STK4: variants seen among roughly 807,000 people sequenced by gnomAD.
STK4 encodes the protein serine/threonine-protein kinase 4.
A neutral mutation model predicts 64.9 loss-of-function variants in STK4; 30 were observed. That is an observed-to-expected ratio of 0.46 (90% CI 0.35 to 0.63). The LOEUF is 0.63. STK4 is among the 20% of genes least tolerant of loss of function. The probability of loss-of-function intolerance (pLI) is 0.01; values close to 1 mark genes in which losing one functional copy is unlikely to be tolerated. For synonymous variants in STK4, 177 were observed against 199.0 expected (o/e 0.89, Z 0.93); for missense variants, 466 against 598.5 (o/e 0.78, Z 2.31).
At chr20:45,057,339 T>A (rs908316653) in intron 10 of STK4, among the ~76,000 whole-genome samples, 2 of 152,328 alleles carry the variant, frequency 1.3e-5, no homozygotes, top group East Asian at 3.9e-4. Context: ...CACTTGGATC[T>A]TAGAGGTAAC....
At position 45,075,365 on chromosome 20, in the gene STK4, C is replaced by A; in HGVS notation, c.*189C>A. The A allele has an allele frequency of 1.5e-6, 1 of 662,812 alleles. No individual in the cohort carries two copies. Among genetic ancestry groups the A allele is most frequent in the Non-Finnish European group, 2.5e-6 (1 of 401,000 alleles). The allele number at this position is 662,812 out of a possible 1,614,324, so 41.1% of individuals were successfully genotyped here. ...CGTGCCATCTTGATGTGTGTATGTACATTGGTCAGGTATATTATCTCAAAG... is the reference window on the plus strand; with the variant it reads ...CGTGCCATCTTGATGTGTGTATGTAAATTGGTCAGGTATATTATCTCAAAG... On this transcript the variant is annotated 3_prime_UTR_variant, in exon 11 of 11. Transcript: ENST00000372806.
chr20:45,056,100 G>T (rs1403887599), intron 10 of STK4, among the ~76,000 whole-genome samples: 2 of 152,056 alleles, frequency 1.3e-5, no homozygotes, highest in Non-Finnish European at 2.9e-5. Flanking sequence ...TCAACTACCT[G>T]CCACAATTTT....
intron 10 of STK4, among the ~76,000 whole-genome samples, chr20:45,042,509 C>T (rs1327913801): frequency 6.6e-6 from 1 of 152,184 alleles, no homozygotes; most frequent in Admixed American, 6.5e-5. Flanking sequence ...ATTTCCCTCT[C>T]CCAACAGGAC....
chr20:45,008,721 A>T (rs1601256236), intron 9 of STK4, among the ~76,000 whole-genome samples: 1 of 152,016 alleles, frequency 6.6e-6, no homozygotes, highest in Non-Finnish European at 1.5e-5. Flanking sequence ...TTTTTTTAGT[A>T]ATAGCCATTC....
intron 10 of STK4, among the ~76,000 whole-genome samples, chr20:45,031,563 A>G (rs1471156873): frequency 3.3e-5 from 5 of 152,270 alleles, no homozygotes; most frequent in African/African-American, 1.2e-4. Flanking sequence ...GGAAAAAGAT[A>G]CACTAGGCAA....
chr20:45,017,793 T>C (rs2068170183), intron 9 of STK4, among the ~76,000 whole-genome samples: 1 of 152,232 alleles, frequency 6.6e-6, no homozygotes, highest in South Asian at 2.1e-4. Flanking sequence ...CTTTGAATTT[T>C]GGATTTAGCT....
At chr20:45,069,439 C>T (rs550964672) in intron 10 of STK4, among the ~76,000 whole-genome samples, 1 of 152,304 alleles carries the variant, frequency 6.6e-6, no homozygotes, top group African/African-American at 2.4e-5. Context: ...TTTCTTATAA[C>T]AGAAGTTCTT....
intron 9 of STK4, among the ~76,000 whole-genome samples, chr20:45,003,809 C>T (rs905980955): frequency 4.7e-5 from 7 of 149,960 alleles, no homozygotes; most frequent in Non-Finnish European, 7.4e-5. Flanking sequence ...CTCCACCTCC[C>T]GGGTTCAAGT....
At chr20:44,988,312 C>T (rs942247066) in intron 5 of STK4, among the ~76,000 whole-genome samples, 8 of 151,260 alleles carry the variant, frequency 5.3e-5, no homozygotes, top group Admixed American at 2.0e-4. Flanking sequence ...GTTAGGAGTT[C>T]GAGACCAGCC....
intron 10 of STK4, among the ~76,000 whole-genome samples, chr20:45,062,445 C>A (rs555671396): frequency 6.0e-4 from 91 of 151,950 alleles, no homozygotes; most frequent in African/African-American, 2.1e-3. Context: ...ATATACCCAG[C>A]AATGGGATTG....
intron 10 of STK4, among the ~76,000 whole-genome samples, chr20:45,043,396 G>A (rs542022150): frequency 3.9e-5 from 6 of 152,190 alleles, no homozygotes; most frequent in Non-Finnish European, 8.8e-5. Flanking sequence ...AGTAGATTTG[G>A]TAGTTAAGAT....
In STK4 at chr20:45,010,545, C is replaced by T. The variant is rs756378064; in HGVS notation, c.1147+9192C>T. Among the ~76,000 whole-genome samples the T allele has an allele frequency of 4.6e-5, 7 of 152,148 alleles. No individual in the cohort carries two copies. The East Asian group carries it at 1.3e-3, about 29-fold the overall frequency. On this transcript the variant is annotated intron_variant, in intron 9 of 10. Coordinates refer to ENST00000372806, the MANE Select transcript of STK4 (RefSeq NM_006282.5). Reference sequence around the variant, plus strand: ...GCTGTGTGGTAAATTGAACCATTCCCTGTTTAATAGCAGTTGAAACCCAGT... The same window carrying T: ...GCTGTGTGGTAAATTGAACCATTCCTTGTTTAATAGCAGTTGAAACCCAGT...
chr20:44,992,052 GA>G (rs1177328000), intron 5 of STK4, among the ~76,000 whole-genome samples: 2 of 151,932 alleles, frequency 1.3e-5, no homozygotes, highest in Non-Finnish European at 1.5e-5. Flanking sequence ...TGTATATGCT[GA>G]AATATCTTCT....
intron 5 of STK4, among the ~76,000 whole-genome samples, chr20:44,990,670 C>T (rs1266181094): frequency 6.6e-6 from 1 of 152,060 alleles, no homozygotes; most frequent in Non-Finnish European, 1.5e-5. Context: ...TCCTGATTCA[C>T]AACACCACCC....
At chr20:45,063,468 T>A (rs997063796) in intron 10 of STK4, among the ~76,000 whole-genome samples, 1 of 152,212 alleles carries the variant, frequency 6.6e-6, no homozygotes, top group African/African-American at 2.4e-5. Context: ...TCGTTTAAGT[T>A]CCTTGTGGAT....
Position 45,001,217 on chromosome 20 carries a change from G to T in STK4, c.1011G>T (p.Glu337Asp). ...SGTMVRAVGDEMGTVRVASTM... is the reference protein window; with the variant it reads ...SGTMVRAVGDDMGTVRVASTM... The stretch of plus-strand genomic sequence containing the variant: ...CGATGGTTCGAGCAGTGGGTGATGA[G>T]ATGGGCACTGTCCGAGTAGCCAGCA... Residue 337 changes from glutamate (E) to aspartate (D), a missense_variant, in exon 9 of 11, where the codon GAG becomes GAT. Physicochemically the swap from Glu to Asp is conservative, Grantham distance 45. Transcript: ENST00000372806. 1.2e-6 allele frequency: 2 copies of T among 1,614,156 alleles called. No individual in the cohort carries two copies. Among genetic ancestry groups the T allele is most frequent in the African/African-American group, 2.7e-5 (2 of 75,032 alleles).
intron 5 of STK4, among the ~76,000 whole-genome samples, chr20:44,987,978 A>G (rs1432030861): frequency 6.7e-6 from 1 of 149,976 alleles, no homozygotes. Flanking sequence ...TTTTTTTTTT[A>G]TTATTTTTTT....
chr20:45,047,705 C>T (rs2068718219), intron 10 of STK4, among the ~76,000 whole-genome samples: 1 of 152,158 alleles, frequency 6.6e-6, no homozygotes, highest in Admixed American at 6.5e-5. Context: ...TGGGAATTCC[C>T]TTGATCGAAT....
chr20:44,993,321 C>G (rs553406869), intron 5 of STK4, among the ~76,000 whole-genome samples: 26 of 151,984 alleles, frequency 1.7e-4, no homozygotes, highest in Non-Finnish European at 3.5e-4. Context: ...TATTGCTATG[C>G]TATTGTACTA....
Sources: allele counts gnomAD v4.1 joint callset (sites outside exome capture counted in the v4.1 genomes callset), GRCh38; gene constraint gnomAD v4.1.1; transcripts MANE v1.5; gene names NCBI Gene and HGNC (gene_info 2026-07-23, HGNC 2026-07-21).